Variants in MAEA observed in about 807,000 individuals in gnomAD.
MAEA encodes macrophage erythroblast attacher, E3 ubiquitin ligase, also known as E3 ubiquitin-protein transferase MAEA.
A neutral mutation model predicts 46.2 loss-of-function variants in MAEA; 22 were observed. The ratio of observed to expected loss-of-function variants is 0.48; its 90% CI spans 0.34 to 0.68. The LOEUF (loss-of-function observed/expected upper bound fraction) is 0.68. Among genes scored for constraint, MAEA ranks in the 30% least tolerant of loss-of-function variants. The pLI, the probability that MAEA is intolerant of heterozygous loss-of-function variation, is 0.01. For missense variants in MAEA, 393 were observed against 558.1 expected (o/e 0.70, Z 2.98); for synonymous variants, 246 against 222.6 (o/e 1.11, Z -0.94).
intron 1 of MAEA, among the ~76,000 whole-genome samples, chr4:1,299,216 C>G (rs1735075693): frequency 6.6e-6 from 1 of 152,200 alleles, no homozygotes; most frequent in Non-Finnish European, 1.5e-5. Flanking sequence ...CATCTTAACA[C>G]CTGCTGCCCA....
intron 6 of MAEA, among the ~76,000 whole-genome samples, chr4:1,334,078 T>C (rs191007964): frequency 0.017 from 83 of 4,798 alleles, 4 homozygotes; most frequent in East Asian, 0.052. Flanking sequence ...GCCCGTGTGC[T>C]CACCCCTGCA....
At chr4:1,294,339 T>C (rs933686816) in intron 1 of MAEA, among the ~76,000 whole-genome samples, 1 of 152,178 alleles carries the variant, frequency 6.6e-6, no homozygotes, top group Non-Finnish European at 1.5e-5. Context: ...TGGGCAAGGC[T>C]GAGATAAGGA....
chr4:1,314,209 C>T (rs1736855675), intron 2 of MAEA, among the ~76,000 whole-genome samples: 1 of 151,898 alleles, frequency 6.6e-6, no homozygotes, highest in Non-Finnish European at 1.5e-5. Context: ...CGCCTGTGGT[C>T]CCAGCTACTC....
rs751279040 is a variant in MAEA, at chr4:1,338,626, G to A, written c.1095+9G>A. The stretch of plus-strand genomic sequence containing the variant: ...ACGTCTACGGCTACAATGTGAGGGG[G>A]GCAGGGCAGGGGGGCCAGGCTGGCA... On this transcript the variant is annotated intron_variant, in intron 8 of 8. Transcript: ENST00000303400. 6.3e-6 allele frequency: 10 copies of A among 1,592,886 alleles called. No homozygotes were observed. The South Asian group carries it at 1.0e-4, about 16-fold the overall frequency.
At chr4:1,304,598 G>A (rs922069905) in intron 1 of MAEA, among the ~76,000 whole-genome samples, 2 of 152,018 alleles carry the variant, frequency 1.3e-5, no homozygotes, top group Non-Finnish European at 2.9e-5. Flanking sequence ...CCGCCACCAC[G>A]CCTGGCTAAT....
At chr4:1,294,821 AGGGGCAGGGGCG>A (rs1169729206) in intron 1 of MAEA, among the ~76,000 whole-genome samples, 1 of 6,706 alleles carries the variant, frequency 1.5e-4, no homozygotes, top group African/African-American at 7.2e-4. Context: ...GGGCAGGGGC[AGGGGCAGGGGCG>A]GGGGTGGGGA....
At chr4:1,293,022 T>C (rs921533434) in intron 1 of MAEA, among the ~76,000 whole-genome samples, 2 of 151,562 alleles carry the variant, frequency 1.3e-5, no homozygotes, top group African/African-American at 4.9e-5. Context: ...GCCTCCCGAG[T>C]AGCTGAGATT....
Position 1,315,611 on chromosome 4 carries a change from G to A in MAEA, c.456+11G>A, listed in dbSNP as rs373289892. The stretch of plus-strand genomic sequence containing the variant: ...CAGAGCGGCATCGAGGTGGGTGCCC[G>A]CCAGACGCAGGCACAGCGCCCCAGC... On this transcript the variant is annotated intron_variant, in intron 3 of 8. Transcript: ENST00000303400. 3.0e-5 allele frequency: 48 copies of A among 1,611,650 alleles called. No homozygotes were observed. The highest frequency in any genetic ancestry group is 1.7e-4 in the Admixed American group (10 of 59,916).
At chr4:1,325,464 G>A (rs1028691010) in intron 4 of MAEA, among the ~76,000 whole-genome samples, 7 of 152,198 alleles carry the variant, frequency 4.6e-5, no homozygotes, top group Non-Finnish European at 7.3e-5. Flanking sequence ...TTACATATTA[G>A]TGGACCAATT....
intron 1 of MAEA, among the ~76,000 whole-genome samples, chr4:1,295,894 C>T (rs1345142644): frequency 5.5e-5 from 7 of 127,822 alleles, no homozygotes; most frequent in African/African-American, 1.2e-4. Context: ...GTGTCTGCAC[C>T]GCCCTCACCT....
At chr4:1,310,724 G>A (rs1736388442) in intron 1 of MAEA, among the ~76,000 whole-genome samples, 3 of 152,374 alleles carry the variant, frequency 2.0e-5, no homozygotes, top group South Asian at 2.1e-4. Context: ...GGCGCTGGGG[G>A]ATGTCTGAGT....
intron 6 of MAEA, among the ~76,000 whole-genome samples, chr4:1,336,546 C>T (rs1712788689): frequency 6.6e-6 from 1 of 151,300 alleles, no homozygotes; most frequent in South Asian, 2.1e-4. Flanking sequence ...GAGTTAAGTT[C>T]ATACTGGCCT....
chr4:1,323,650 C>T, intron 4 of MAEA: 1 of 701,672 alleles, frequency 1.4e-6, no homozygotes, highest in Non-Finnish European at 2.6e-6. Context: ...CAGCCCCACA[C>T]TCCCTCCCAG....
Position 1,318,973 on chromosome 4 carries a change from C to G in MAEA, c.456+3373C>G, listed in dbSNP as rs114872626. On this transcript the variant is annotated intron_variant, in intron 3 of 8. Coordinates refer to ENST00000303400, the MANE Select transcript of MAEA (RefSeq NM_001017405.3). ...CTGCCCAGGGAAGGCCACACAGGAA[C>G]AGGACAGGAAGCCTGCTGCCGAGGG... Among the ~76,000 whole-genome samples, 838 of 132,686 alleles carry G rather than the reference C, an allele frequency of 6.3e-3. 5 individuals carry two copies. Among genetic ancestry groups the G allele is most frequent in the African/African-American group, 0.023 (777 of 33,262 alleles). 87.0% of individuals were successfully genotyped at this position (132,686 alleles called of 152,430 possible). A position where few individuals can be genotyped will look rare whatever the true frequency, so the allele number is the denominator to read the frequency against.
intron 2 of MAEA, 41 bp from the exon 3 acceptor site, chr4:1,315,356 G>T (rs781627199): frequency 1.1e-5 from 17 of 1,592,940 alleles, no homozygotes; most frequent in Non-Finnish European, 1.5e-5. Context: ...GGGCTGCGGG[G>T]CATCCCTGTC....
At chr4:1,313,901 A>G (rs6826029) in intron 2 of MAEA, among the ~76,000 whole-genome samples, 79,488 of 151,484 alleles carry the variant, frequency 0.52, 20,931 homozygotes, top group Admixed American at 0.59. Flanking sequence ...AGGCGTGGTG[A>G]CACACACCTG....
At chr4:1,326,047 C>A (rs1738769749) in intron 4 of MAEA, among the ~76,000 whole-genome samples, 1 of 152,144 alleles carries the variant, frequency 6.6e-6, no homozygotes, top group Non-Finnish European at 1.5e-5. Context: ...AGGCAGGTGG[C>A]CCCCGGGGGT....
intron 3 of MAEA, among the ~76,000 whole-genome samples, chr4:1,317,511 A>C (rs1028328207): frequency 6.6e-6 from 1 of 151,620 alleles, no homozygotes; most frequent in Non-Finnish European, 1.5e-5. Flanking sequence ...CCTCCCACCC[A>C]TGCCTTCTCC....
At chr4:1,335,084 T>C in intron 6 of MAEA, 1 of 985,290 alleles carries the variant, frequency 1.0e-6, no homozygotes, top group African/African-American at 1.7e-5. Context: ...ATGTGAAGGT[T>C]TTTCTCTCCT....
Sources: allele counts gnomAD v4.1 joint callset (sites outside exome capture counted in the v4.1 genomes callset), GRCh38; gene constraint gnomAD v4.1.1; transcripts MANE v1.5; gene names NCBI Gene and HGNC (gene_info 2026-07-23, HGNC 2026-07-21).